Variants in CNTLN observed in about 807,000 individuals in gnomAD.
The protein encoded by CNTLN is centlein.
A neutral mutation model predicts 180.0 loss-of-function variants in CNTLN; 212 were observed. The observed-to-expected ratio is 1.18, with a 90% CI of 1.05 to 1.32. The LOEUF (loss-of-function observed/expected upper bound fraction) is 1.32. Among genes scored for constraint, CNTLN ranks in the 40% most tolerant of loss-of-function variants. The probability of loss-of-function intolerance (pLI) is 0.00; values close to 1 mark genes in which losing one functional copy is unlikely to be tolerated. For synonymous variants in CNTLN, 722 were observed against 563.1 expected, an observed-to-expected ratio of 1.28 and a Z score of -3.99; for missense variants, 2,095 against 1,610.9, an observed-to-expected ratio of 1.30 and a Z score of -5.14.
intron 2 of CNTLN, among the ~76,000 whole-genome samples, chr9:17,200,620 T>C (rs1211680709): frequency 6.6e-6 from 1 of 152,176 alleles, no homozygotes; most frequent in Non-Finnish European, 1.5e-5. Flanking sequence ...AGTTCAGTCA[T>C]GATTTGGCTC....
chr9:17,298,673 G>A (rs893534558), intron 7 of CNTLN: 8 of 1,013,546 alleles, frequency 7.9e-6, no homozygotes, highest in South Asian at 9.2e-5. Flanking sequence ...GAATTCCTCG[G>A]CCTGCTATTA....
rs575759050 is a variant in CNTLN, at chr9:17,240,959, T to C, written c.849+4371T>C. Among the ~76,000 whole-genome samples the C allele has an allele frequency of 2.6e-5, 4 of 152,130 alleles. No individual in the cohort carries two copies. The South Asian group carries it at 6.2e-4, about 24-fold the overall frequency. On this transcript the variant is annotated intron_variant, in intron 5 of 25. Transcript: ENST00000380647. The stretch of plus-strand genomic sequence containing the variant: ...CTGCAAGCTCTGCCTCCCGGGTTCA[T>C]GCCATTCTCCTGCCTCAGCCTCCCG...
intron 2 of CNTLN, among the ~76,000 whole-genome samples, chr9:17,205,566 A>T (rs1481673552): frequency 6.6e-6 from 1 of 152,126 alleles, no homozygotes; most frequent in African/African-American, 2.4e-5. Context: ...ACCAGTTCTG[A>T]TGAAGGAAGC....
intron 1 of CNTLN, among the ~76,000 whole-genome samples, chr9:17,135,697 G>A (rs923583151): frequency 1.3e-5 from 2 of 152,122 alleles, no homozygotes; most frequent in South Asian, 2.1e-4. Flanking sequence ...ACTCGCAGTC[G>A]CATCCTCTCC....
At chr9:17,396,375 C>T (rs902764748) in intron 15 of CNTLN, among the ~76,000 whole-genome samples, 2 of 151,590 alleles carry the variant, frequency 1.3e-5, no homozygotes, top group African/African-American at 2.4e-5. Context: ...ACCACAAAGA[C>T]GAATGATAGA....
At chr9:17,464,429 A>C in intron 20 of CNTLN, 68 bp from the exon 21 acceptor site, 1 of 1,352,220 alleles carries the variant, frequency 7.4e-7, no homozygotes, top group Non-Finnish European at 1.0e-6. Flanking sequence ...ATATTGGATA[A>C]AATGTAAGAT....
At chr9:17,323,197 A>T (rs2133054130) in intron 8 of CNTLN, among the ~76,000 whole-genome samples, 1 of 152,258 alleles carries the variant, frequency 6.6e-6, no homozygotes, top group East Asian at 1.9e-4. Flanking sequence ...GCTTTTATCA[A>T]AGGAGTTACT....
At chr9:17,421,728 C>G (rs1371286151) in intron 18 of CNTLN, among the ~76,000 whole-genome samples, 1 of 151,954 alleles carries the variant, frequency 6.6e-6, no homozygotes, top group East Asian at 1.9e-4. Context: ...GTGTATATAT[C>G]TGTTGTAGGT....
intron 5 of CNTLN, among the ~76,000 whole-genome samples, chr9:17,252,758 G>A (rs1387768892): frequency 6.6e-6 from 1 of 151,470 alleles, no homozygotes; most frequent in Non-Finnish European, 1.5e-5. Context: ...TGTGCAGAAG[G>A]TTTTTATTTA....
At chr9:17,476,677 G>T (rs1036864808) in intron 23 of CNTLN, among the ~76,000 whole-genome samples, 1 of 152,164 alleles carries the variant, frequency 6.6e-6, no homozygotes, top group African/African-American at 2.4e-5. Flanking sequence ...TCCAGAGCAG[G>T]GCCCTGTCTT....
At chr9:17,437,701 A>G (rs549834474) in intron 18 of CNTLN, among the ~76,000 whole-genome samples, 4 of 152,210 alleles carry the variant, frequency 2.6e-5, no homozygotes, top group Non-Finnish European at 4.4e-5. Flanking sequence ...GTAAAGCGCT[A>G]TAATAATGGA....
intron 2 of CNTLN, among the ~76,000 whole-genome samples, chr9:17,220,977 G>T (rs184489794): frequency 3.9e-5 from 6 of 152,120 alleles, no homozygotes; most frequent in African/African-American, 1.2e-4. Flanking sequence ...CTAATTCCTG[G>T]ACAGTTAAAA....
chr9:17,502,007 C>T (rs1280104017), intron 25 of CNTLN, among the ~76,000 whole-genome samples: 1 of 152,206 alleles, frequency 6.6e-6, no homozygotes, highest in African/African-American at 2.4e-5. Flanking sequence ...CAGTTTGCAA[C>T]ATGTGTATTA....
intron 2 of CNTLN, among the ~76,000 whole-genome samples, chr9:17,216,506 A>T (rs142585928): frequency 6.5e-4 from 99 of 152,264 alleles, no homozygotes; most frequent in African/African-American, 1.7e-3. Flanking sequence ...GTTTATTAAG[A>T]TTTTATTGAT....
At chr9:17,405,455 G>A (rs984092732) in intron 15 of CNTLN, among the ~76,000 whole-genome samples, 1 of 151,780 alleles carries the variant, frequency 6.6e-6, no homozygotes, top group Admixed American at 6.6e-5. Flanking sequence ...CATCATGGCC[G>A]AAGGTGGAAC....
At chr9:17,327,223 T>G (rs1820355484) in intron 8 of CNTLN, among the ~76,000 whole-genome samples, 1 of 149,104 alleles carries the variant, frequency 6.7e-6, no homozygotes, top group South Asian at 2.1e-4. Context: ...CTTTTTTTTT[T>G]TTTTTTTTGA....
chr9:17,426,871 T>C (rs1457828758), intron 18 of CNTLN, among the ~76,000 whole-genome samples: 3 of 152,064 alleles, frequency 2.0e-5, no homozygotes, highest in Admixed American at 6.6e-5. Context: ...CACTACTTAA[T>C]ATTTATGTTA....
intron 8 of CNTLN, among the ~76,000 whole-genome samples, chr9:17,315,358 A>G (rs115540826): frequency 3.0e-3 from 454 of 152,164 alleles, no homozygotes; most frequent in African/African-American, 0.01. Context: ...TATTGTTGCA[A>G]CTTTAACAGT....
At chr9:17,391,166 TA>T (rs1826082702) in intron 14 of CNTLN, among the ~76,000 whole-genome samples, 1 of 152,144 alleles carries the variant, frequency 6.6e-6, no homozygotes, top group Non-Finnish European at 1.5e-5. Context: ...ATGTCTATGG[TA>T]ATAGGCTAAG....
Sources: allele counts gnomAD v4.1 joint callset (sites outside exome capture counted in the v4.1 genomes callset), GRCh38; gene constraint gnomAD v4.1.1; transcripts MANE v1.5; gene names NCBI Gene and HGNC (gene_info 2026-07-23, HGNC 2026-07-21).